FAXC: variants seen among roughly 807,000 people sequenced by gnomAD.
The protein encoded by FAXC is failed axon connections homolog, metaxin like GST domain containing, also known as failed axon connections homolog.
A neutral mutation model predicts 41.9 loss-of-function variants in FAXC; 10 were observed. The ratio of observed to expected loss-of-function variants is 0.24; its 90% CI spans 0.15 to 0.41. The LOEUF (loss-of-function observed/expected upper bound fraction) is 0.41. Ranked by LOEUF, FAXC falls within the 10% of genes least tolerant of loss-of-function variation. The pLI, the probability that FAXC is intolerant of heterozygous loss-of-function variation, is 1.00. For missense variants in FAXC, 399 were observed against 510.9 expected, an observed-to-expected ratio of 0.78 and a Z score of 2.11; for synonymous variants, 183 against 183.8, an observed-to-expected ratio of 1.00 and a Z score of 0.03.
chr6:99,312,685 T>C (rs1165335407), intron 4 of FAXC, among the ~76,000 whole-genome samples: 1 of 152,224 alleles, frequency 6.6e-6, no homozygotes, highest in African/African-American at 2.4e-5. Context: ...AAAGCCATAC[T>C]ATTAATAACT....
At chr6:99,325,413 C>G (rs900377570) in intron 3 of FAXC, among the ~76,000 whole-genome samples, 8 of 152,168 alleles carry the variant, frequency 5.3e-5, no homozygotes, top group African/African-American at 1.7e-4. Context: ...GCCCATAAAT[C>G]TGATTAGAAA....
At chr6:99,316,349 G>A (rs1416193140) in intron 4 of FAXC, among the ~76,000 whole-genome samples, 3 of 152,198 alleles carry the variant, frequency 2.0e-5, no homozygotes, top group East Asian at 1.9e-4. Context: ...CTCCCCAGAG[G>A]GTAGCTCTTC....
intron 5 of FAXC, among the ~76,000 whole-genome samples, chr6:99,289,606 T>C (rs768085295): frequency 1.1e-4 from 17 of 152,052 alleles, no homozygotes; most frequent in Non-Finnish European, 2.2e-4. Flanking sequence ...CAGTAAGCCA[T>C]AATCATGTCA....
At chr6:99,336,299 T>C (rs1347856599) in intron 2 of FAXC, among the ~76,000 whole-genome samples, 1 of 152,112 alleles carries the variant, frequency 6.6e-6, no homozygotes, top group Non-Finnish European at 1.5e-5. Flanking sequence ...TCTACAAAAT[T>C]GAGACAGGGT....
intron 3 of FAXC, among the ~76,000 whole-genome samples, chr6:99,328,247 C>A (rs1375104240): frequency 6.6e-6 from 1 of 152,150 alleles, no homozygotes; most frequent in Non-Finnish European, 1.5e-5. Flanking sequence ...GAAACCTAAC[C>A]CCCAGTGTGT....
chr6:99,340,366 G>C (rs184511763), intron 2 of FAXC, among the ~76,000 whole-genome samples: 3 of 152,072 alleles, frequency 2.0e-5, no homozygotes. Flanking sequence ...CTCCCAAAGT[G>C]CTGGGATTAC....
At chr6:99,282,296 G>C (rs1358901372) in intron 5 of FAXC, among the ~76,000 whole-genome samples, 2 of 151,988 alleles carry the variant, frequency 1.3e-5, no homozygotes, top group Non-Finnish European at 2.9e-5. Context: ...ACAAATTTTC[G>C]CAGTGTTGCT....
At chr6:99,312,537 A>C (rs1772190617) in intron 4 of FAXC, among the ~76,000 whole-genome samples, 1 of 152,178 alleles carries the variant, frequency 6.6e-6, no homozygotes, top group Non-Finnish European at 1.5e-5. Flanking sequence ...GTACCCGTTA[A>C]ACCCTCAGAC....
At chr6:99,334,697 T>G (rs1773151500) in intron 2 of FAXC, 1 of 509,842 alleles carries the variant, frequency 2.0e-6, no homozygotes, top group Non-Finnish European at 2.5e-6. Context: ...TCAGATGCAA[T>G]CTATCCTCCA....
rs1294447026 is a variant in FAXC, at chr6:99,281,193, C to T, written c.1201G>A (p.Asp401Asn). The T allele has an allele frequency of 1.3e-6, 2 of 1,529,440 alleles. No individual in the cohort carries two copies. Among genetic ancestry groups the T allele is most frequent in the Non-Finnish European group, 1.8e-6 (2 of 1,103,098 alleles). The allele number at this position is 1,529,440 out of a possible 1,614,324, so 94.7% of individuals were successfully genotyped here. ...SLFDSDVDMD[D>N]YTDHEQCK ...TTGCACTGTTCGTGGTCTGTATAGT[C>T]ATCCATGTCCACATCCGAATCAAAG... The change falls in exon 6 of 6, where the codon GAC becomes AAC. Residue 401 changes from aspartate (D) to asparagine (N), a missense_variant. Asp to Asn is a conservative substitution (Grantham distance 23). Transcript: ENST00000389677.
chr6:99,322,432 T>TC (rs923310755), intron 4 of FAXC, among the ~76,000 whole-genome samples: 4 of 152,118 alleles, frequency 2.6e-5, no homozygotes, highest in Non-Finnish European at 5.9e-5. Flanking sequence ...GAGGTGGTCT[T>TC]CAACAAAACA....
intron 4 of FAXC, among the ~76,000 whole-genome samples, chr6:99,292,615 C>T (rs994292780): frequency 2.6e-5 from 4 of 152,206 alleles, no homozygotes; most frequent in African/African-American, 4.8e-5. Context: ...CTGGCATCAC[C>T]GTTATTCACT....
chr6:99,288,842 G>A (rs571968196), intron 5 of FAXC, among the ~76,000 whole-genome samples: 1 of 45,698 alleles, frequency 2.2e-5, no homozygotes, highest in South Asian at 6.3e-4. Context: ...GCATGCACAT[G>A]AATCGACACA....
At chr6:99,340,129 T>G (rs1773368872) in intron 2 of FAXC, among the ~76,000 whole-genome samples, 1 of 152,160 alleles carries the variant, frequency 6.6e-6, no homozygotes, top group Non-Finnish European at 1.5e-5. Flanking sequence ...AGACAGGGTC[T>G]CACTCTGTCT....
Position 99,274,273 on chromosome 6 carries a change from T to TATCC in FAXC, c.*6887_*6890dup, listed in dbSNP as rs1770520206. The TATCC allele has an allele frequency of 2.0e-5, 3 of 152,302 alleles. No individual in the cohort carries two copies. In the South Asian group the frequency reaches 6.2e-4, roughly 32 times the overall value. The allele number at this position is 152,302 out of a possible 1,614,324, so 9.4% of individuals were successfully genotyped here. The stretch of plus-strand genomic sequence containing the variant: ...TCACTTCCTGCACTGGCCACTTGTA[T>TATCC]ATCCATAGACAATCCTTCCCTACAT... On this transcript the variant is annotated 3_prime_UTR_variant, in exon 6 of 6. Transcript: ENST00000389677.
chr6:99,343,071 T>G (rs760249941), intron 1 of FAXC, 38 bp from the exon 2 acceptor site: 2 of 1,558,376 alleles, frequency 1.3e-6, no homozygotes, highest in African/African-American at 2.7e-5. Flanking sequence ...ACAATCCACA[T>G]GTTATCCACA....
rs1221733553 is a variant in FAXC, at chr6:99,281,273, C to G, written c.1121G>C (p.Gly374Ala). ...GGTTCTGGAAAAACTGTTTTCTGCT[C>G]CCTCATCTTCAAAGGTCTCTGTCCT... The part of the protein sequence containing the change: ...YSRTETFEDE[G>A]AENSFSRTPD... The change falls in exon 6 of 6, where the codon GGA (glycine) becomes GCA (alanine). Residue 374 changes from glycine to alanine, a missense_variant. Gly to Ala is a moderately conservative substitution (Grantham distance 60, BLOSUM62 0). Transcript: ENST00000389677. 6.2e-7 allele frequency: 1 copy of G among 1,614,130 alleles called. No homozygotes were observed. The highest frequency in any genetic ancestry group is 8.5e-7 in the Non-Finnish European group (1 of 1,180,024).
chr6:99,348,439 A>G (rs1382887919), intron 1 of FAXC, among the ~76,000 whole-genome samples: 1 of 152,170 alleles, frequency 6.6e-6, no homozygotes, highest in African/African-American at 2.4e-5. Flanking sequence ...AGCGGATGCA[A>G]CTGTTTACGG....
intron 4 of FAXC, among the ~76,000 whole-genome samples, chr6:99,316,182 C>T (rs13205601): frequency 0.051 from 7,560 of 149,246 alleles, 600 homozygotes; most frequent in African/African-American, 0.17. Flanking sequence ...CAAGGGGTTG[C>T]CCCCTTAACA....
Sources: gnomAD v4.1 joint callset for allele counts (sites outside exome capture counted in the v4.1 genomes callset) on GRCh38, gnomAD v4.1.1 for gene constraint, MANE v1.5 for transcripts, NCBI Gene and HGNC (gene_info 2026-07-23, HGNC 2026-07-21) for gene names.